FANK1: variants seen among roughly 807,000 people sequenced by gnomAD.
FANK1 encodes fibronectin type III and ankyrin repeat domains 1.
FANK1 carries 44 observed loss-of-function variants against 45.3 expected under a neutral mutation model. That is an observed-to-expected ratio of 0.97 (90% confidence interval 0.76 to 1.25). The LOEUF (loss-of-function observed/expected upper bound fraction) is 1.25. Among genes scored for constraint, FANK1 ranks in the 50% most tolerant of loss-of-function variants. FANK1 has a pLI of 0.00. For missense variants in FANK1, 391 were observed against 424.4 expected, an observed-to-expected ratio of 0.92 and a Z score of 0.69; for synonymous variants, 149 against 152.5, an observed-to-expected ratio of 0.98 and a Z score of 0.17.
intron 6 of FANK1, among the ~76,000 whole-genome samples, chr10:126,000,834 C>G (rs552628889): frequency 7.2e-5 from 11 of 152,178 alleles, no homozygotes; most frequent in African/African-American, 2.6e-4. Context: ...TACATATACT[C>G]CAAAAAAGCC....
chr10:126,007,727 A>G (rs1186514870), intron 7 of FANK1, among the ~76,000 whole-genome samples: 1 of 152,218 alleles, frequency 6.6e-6, no homozygotes, highest in Non-Finnish European at 1.5e-5. Flanking sequence ...ACAAACACGT[A>G]TCTGTCTTTA....
In FANK1 at chr10:125,980,181, C is replaced by T. The variant is rs1951108979; in HGVS notation, c.34C>T (p.Pro12Ser). ...EPQKIMPPSKPHPPVVGKVTH... is the reference protein window; with the variant it reads ...EPQKIMPPSKSHPPVVGKVTH... The stretch of plus-strand genomic sequence containing the variant: ...TTTAGAAATCATGCCACCCTCAAAG[C>T]CTCATCCACCTGTCGTGGGCAAAGT... The change falls in exon 2 of 11, where the codon CCT (proline) becomes TCT (serine). Residue 12 changes from proline to serine, a missense_variant. Pro to Ser is a moderately conservative substitution (Grantham distance 74). Transcript: ENST00000368693. 2 of 1,612,042 alleles carry T rather than the reference C, an allele frequency of 1.2e-6. No individual in the cohort carries two copies. Among genetic ancestry groups the T allele is most frequent in the Non-Finnish European group, 1.7e-6 (2 of 1,179,584 alleles).
At chr10:125,988,939 A>G in intron 3 of FANK1, 1 of 571,826 alleles carries the variant, frequency 1.7e-6, no homozygotes, top group Non-Finnish European at 3.1e-6. Context: ...GGGTGGAGTC[A>G]CCTTTCTTAG....
intron 1 of FANK1, among the ~76,000 whole-genome samples, chr10:125,930,998 G>A (rs1183991649): frequency 6.6e-6 from 1 of 152,090 alleles, no homozygotes; most frequent in African/African-American, 2.4e-5. Flanking sequence ...TACTTCACTT[G>A]GAATAATAGT....
intron 1 of FANK1, among the ~76,000 whole-genome samples, chr10:125,942,511 TGAG>T (rs1350490760): frequency 6.6e-6 from 1 of 152,158 alleles, no homozygotes; most frequent in Non-Finnish European, 1.5e-5. Context: ...TTAAACGATT[TGAG>T]GAGGAGGACA....
In FANK1 at chr10:125,939,682, A is replaced by C. The variant is rs139213625; in HGVS notation, c.14-40479A>C. Among the ~76,000 whole-genome samples, 1,025 of 152,254 alleles carry C rather than the reference A, an allele frequency of 6.7e-3. 17 individuals carry two copies. The highest frequency in any genetic ancestry group is 0.023 in the African/African-American group (947 of 41,558). ...TGTCATCTATGGTTCCCTAATAGGAAACCTGTTAATATAACTCATGGTATT... is the reference window on the plus strand; with the variant it reads ...TGTCATCTATGGTTCCCTAATAGGACACCTGTTAATATAACTCATGGTATT... On this transcript the variant is annotated intron_variant, in intron 1 of 10. Coordinates refer to ENST00000368693, the MANE Select transcript of FANK1 (RefSeq NM_145235.5).
At chr10:126,003,884 C>T (rs1285779037) in intron 6 of FANK1, among the ~76,000 whole-genome samples, 1 of 151,976 alleles carries the variant, frequency 6.6e-6, no homozygotes, top group Non-Finnish European at 1.5e-5. Context: ...CTGTGTTGCT[C>T]AGGCTGGTCT....
intron 7 of FANK1, among the ~76,000 whole-genome samples, chr10:126,005,942 A>T (rs1297714875): frequency 1.3e-5 from 2 of 152,380 alleles, no homozygotes; most frequent in African/African-American, 4.8e-5. Flanking sequence ...TTGATTTAGC[A>T]AATAGAAGCA....
At chr10:125,956,014 TGGG>T (rs1283267838) in intron 1 of FANK1, among the ~76,000 whole-genome samples, 1 of 151,864 alleles carries the variant, frequency 6.6e-6, no homozygotes, top group Non-Finnish European at 1.5e-5. Context: ...TGATGGGAGG[TGGG>T]GGGCATTTAA....
intron 1 of FANK1, among the ~76,000 whole-genome samples, chr10:125,921,183 A>G (rs1470626355): frequency 6.6e-6 from 1 of 152,232 alleles, no homozygotes. Flanking sequence ...ACAAAATTAT[A>G]TGATCACTCC....
chr10:125,908,615 G>T (rs1945733943), intron 1 of FANK1, among the ~76,000 whole-genome samples: 1 of 152,094 alleles, frequency 6.6e-6, no homozygotes, highest in Non-Finnish European at 1.5e-5. Context: ...GTGGGAGGGG[G>T]ATGAGGGAGA....
At chr10:125,958,484 A>G (rs907552772) in intron 1 of FANK1, among the ~76,000 whole-genome samples, 7 of 152,094 alleles carry the variant, frequency 4.6e-5, no homozygotes, top group African/African-American at 1.7e-4. Context: ...GTGATTGGCC[A>G]GCCTTGGCCT....
chr10:126,000,426 C>T (rs1417398457), intron 6 of FANK1, among the ~76,000 whole-genome samples: 2 of 152,084 alleles, frequency 1.3e-5, no homozygotes, highest in Non-Finnish European at 2.9e-5. Context: ...GAATAGAAAT[C>T]CTCAAATAGA....
chr10:125,931,562 T>C (rs1251811410), intron 1 of FANK1, among the ~76,000 whole-genome samples: 2 of 152,178 alleles, frequency 1.3e-5, no homozygotes, highest in Non-Finnish European at 2.9e-5. Context: ...TTTGATGGGA[T>C]TGTTTTTTTC....
At chr10:125,945,242 G>A (rs1279248513) in intron 1 of FANK1, among the ~76,000 whole-genome samples, 1 of 152,180 alleles carries the variant, frequency 6.6e-6, no homozygotes, top group East Asian at 1.9e-4. Context: ...CAACTGGGGG[G>A]AGGAGCCAAG....
chr10:125,953,042 T>G (rs920066875), intron 1 of FANK1, among the ~76,000 whole-genome samples: 1 of 152,164 alleles, frequency 6.6e-6, no homozygotes, highest in Non-Finnish European at 1.5e-5. Flanking sequence ...TTTTTAGACT[T>G]GCATGTGCAT....
intron 1 of FANK1, among the ~76,000 whole-genome samples, chr10:125,976,237 T>C (rs1168595238): frequency 6.6e-6 from 1 of 152,186 alleles, no homozygotes; most frequent in Non-Finnish European, 1.5e-5. Flanking sequence ...TCTCTCTAGC[T>C]GCCTTTAACA....
intron 2 of FANK1, among the ~76,000 whole-genome samples, chr10:125,988,188 C>T (rs1462595020): frequency 6.6e-6 from 1 of 152,194 alleles, no homozygotes; most frequent in African/African-American, 2.4e-5. Flanking sequence ...CACTAGATGG[C>T]CCCCACTTGA....
intron 1 of FANK1, among the ~76,000 whole-genome samples, chr10:125,957,316 G>A (rs1209968270): frequency 2.0e-5 from 3 of 151,798 alleles, no homozygotes; most frequent in Non-Finnish European, 4.4e-5. Flanking sequence ...CTCACAAAAC[G>A]TTGTTATTTT....
Sources: allele counts gnomAD v4.1 joint callset (sites outside exome capture counted in the v4.1 genomes callset), GRCh38; gene constraint gnomAD v4.1.1; transcripts MANE v1.5; gene names NCBI Gene and HGNC (gene_info 2026-07-23, HGNC 2026-07-21).